Variants in FAAP20 observed in about 807,000 individuals in gnomAD.
The protein encoded by FAAP20 is Fanconi anemia core complex-associated protein 20.
FAAP20 carries 12 observed loss-of-function variants against 16.2 expected under a neutral mutation model. The ratio of observed to expected loss-of-function variants is 0.74; its 90% CI spans 0.48 to 1.20. The LOEUF is 1.20. Ranked by LOEUF, FAAP20 falls within the 50% of genes most tolerant of loss-of-function variation. The pLI, the probability that FAAP20 is intolerant of heterozygous loss-of-function variation, is 0.00. For missense variants in FAAP20, 288 were observed against 245.8 expected (o/e 1.17, Z -1.15); for synonymous variants, 141 against 110.7 (o/e 1.27, Z -1.72).
Position 2,194,745 on chromosome 1 carries a change from T to C in FAAP20, c.5A>G (p.Glu2Gly). The C allele has an allele frequency of 8.4e-7, 1 of 1,186,312 alleles. No homozygotes were observed. Among genetic ancestry groups the C allele is most frequent in the Non-Finnish European group, 1.0e-6 (1 of 962,894 alleles). 73.5% of individuals were successfully genotyped at this position (1,186,312 alleles called of 1,614,324 possible). A position where few individuals can be genotyped will look rare whatever the true frequency, so the allele number is the denominator to read the frequency against. ...CCCCAGCCGCGGCCTCCGCGCCGCC[T>C]CCATCCAAGCCCGCGCCGGGCGGAA... is the stretch of plus-strand genomic sequence containing the variant. M[E>G]AARRPRLGLS... The change falls in exon 1 of 4, where the codon GAG (glutamate) becomes GGG (glycine). Residue 2 changes from glutamate to glycine, a missense_variant. Coordinates refer to ENST00000378546, the MANE Select transcript of FAAP20 (RefSeq NM_182533.4).
At chr1:2,197,988 T>G, upstream of FAAP20, 1 of 1,282,234 alleles carries the variant, frequency 7.8e-7, no homozygotes, top group Non-Finnish European at 1.0e-6. Flanking sequence ...GGAAGCATGT[T>G]CACCTCCAAC....
At position 2,192,756 on chromosome 1, in the gene FAAP20, G is replaced by A. The variant is rs1300541100; in HGVS notation, c.470+883C>T. 5.4e-6 allele frequency: 6 copies of A among 1,103,394 alleles called. No individual in the cohort carries two copies. The East Asian group carries it at 2.9e-4, about 54-fold the overall frequency. The allele number at this position is 1,103,394 out of a possible 1,614,324, so 68.4% of individuals were successfully genotyped here. A position where few individuals can be genotyped will look rare whatever the true frequency, so the allele number is the denominator to read the frequency against. On this transcript the variant is annotated intron_variant, in intron 3 of 3. Coordinates refer to ENST00000378546, the MANE Select transcript of FAAP20 (RefSeq NM_182533.4). ...AGCCTCCAGAGTAGCTAGGACCACA[G>A]GCACGCGCCACCACGCCCAGGCATG... is the stretch of plus-strand genomic sequence containing the variant.
At chr1:2,212,140 C>G (rs1396409806), downstream of FAAP20, 3 of 152,290 alleles carry the variant, frequency 2.0e-5, no homozygotes, top group African/African-American at 7.2e-5. Context: ...ATCTCCTGAC[C>G]TCGTGATCCG....
chr1:2,211,262 T>C (rs1443877881), downstream of FAAP20, among the ~76,000 whole-genome samples: 1 of 137,632 alleles, frequency 7.3e-6, no homozygotes, highest in Non-Finnish European at 1.5e-5. Flanking sequence ...GGAGTTTCGC[T>C]CTTGTTGCCC....
At chr1:2,184,770 G>T (rs1411194982), downstream of FAAP20, 1 of 1,481,996 alleles carries the variant, frequency 6.7e-7, no homozygotes, top group African/African-American at 1.4e-5. Context: ...ACCTTGGGCA[G>T]CTGGTGACCC....
rs1687923141 is a variant in FAAP20, at chr1:2,189,587, T to C, written c.*122A>G. ...AGAGACAGACAGGAGCCCGCCCTGC[T>C]TTAATGCGCATGCGGGGGAGCCGAG... On this transcript the variant is annotated 3_prime_UTR_variant, in exon 4 of 4. Coordinates refer to ENST00000378546, the MANE Select transcript of FAAP20 (RefSeq NM_182533.4). 7.5e-6 allele frequency: 6 copies of C among 799,666 alleles called. No individual in the cohort carries two copies. Among genetic ancestry groups the C allele is most frequent in the Non-Finnish European group, 1.1e-5 (5 of 461,210 alleles). The allele number at this position is 799,666 out of a possible 1,614,324, so 49.5% of individuals were successfully genotyped here.
intron 3 of FAAP20, chr1:2,192,674 T>C (rs1688369346): frequency 8.4e-7 from 1 of 1,191,490 alleles, no homozygotes; most frequent in African/African-American, 1.6e-5. Flanking sequence ...AGTGCAGTGG[T>C]GCAATCATAC....
At chr1:2,202,054 A>G (rs1689074044), upstream of FAAP20, among the ~76,000 whole-genome samples, 1 of 152,064 alleles carries the variant, frequency 6.6e-6, no homozygotes, top group African/African-American at 2.4e-5. Context: ...AGAAAAAGAA[A>G]AAGTGGCCTG....
At chr1:2,207,082 T>C (rs913746252) in intron 1 of FAAP20, among the ~76,000 whole-genome samples, 3 of 150,946 alleles carry the variant, frequency 2.0e-5, no homozygotes, top group African/African-American at 7.3e-5. Context: ...CAGAGAGAGG[T>C]GTTGTATTCT....
At chr1:2,202,373 C>A (rs377035092), upstream of FAAP20, among the ~76,000 whole-genome samples, 1 of 152,350 alleles carries the variant, frequency 6.6e-6, no homozygotes, top group African/African-American at 2.4e-5. Context: ...GGGTCTTGCA[C>A]TGTTGCCCAG....
chr1:2,189,528 A>T, downstream of FAAP20: 1 of 625,166 alleles, frequency 1.6e-6, no homozygotes, highest in Non-Finnish European at 2.9e-6. Flanking sequence ...ACCAAACGTC[A>T]GAAAGAAAAG....
chr1:2,191,833 A>G (rs1688265203), intron 3 of FAAP20: 1 of 985,128 alleles, frequency 1.0e-6, no homozygotes, highest in Non-Finnish European at 1.2e-6. Flanking sequence ...CTCACCCCTC[A>G]CCAGGTGCCC....
chr1:2,209,184 C>A (rs1569613910), downstream of FAAP20, among the ~76,000 whole-genome samples: 1 of 152,152 alleles, frequency 6.6e-6, no homozygotes, highest in East Asian at 1.9e-4. Context: ...CCACCTGCTG[C>A]ATGCATCCTG....
At chr1:2,194,228 G>T in intron 1 of FAAP20, 95 bp from the exon 2 acceptor site, 1 of 1,496,040 alleles carries the variant, frequency 6.7e-7, no homozygotes, top group Non-Finnish European at 9.0e-7. Flanking sequence ...AGAGCGGGGA[G>T]ATGGGGGGTA....
chr1:2,186,094 C>T (rs1687550765), downstream of FAAP20: 1 of 454,232 alleles, frequency 2.2e-6, no homozygotes, highest in South Asian at 1.6e-5. Context: ...GAGCCGTCTT[C>T]TGAGCTCCCT....
chr1:2,194,698 G>T lies in FAAP20; in HGVS notation c.52C>A (p.Pro18Thr). 8.6e-7 allele frequency: 1 copy of T among 1,168,668 alleles called. No individual in the cohort carries two copies. The highest frequency in any genetic ancestry group is 1.1e-6 in the Non-Finnish European group (1 of 949,772). 72.4% of individuals were successfully genotyped at this position (1,168,668 alleles called of 1,614,324 possible). Reference sequence around the variant, plus strand: ...GGCTCCCGGCCTCACCCGCCCGCCGGGCGCGGCCTCCGGCGGCTCAACCCC... The same window carrying T: ...GGCTCCCGGCCTCACCCGCCCGCCGTGCGCGGCCTCCGGCGGCTCAACCCC... ...RLGLSRRRPR[P>T]AGGPSGGRPW... Residue 18 changes from proline to threonine, a missense_variant, in exon 1 of 4, where the codon CCG (proline) becomes ACG (threonine). Transcript: ENST00000378546.
At chr1:2,202,834 G>A (rs952851733), upstream of FAAP20, among the ~76,000 whole-genome samples, 2 of 152,054 alleles carry the variant, frequency 1.3e-5, no homozygotes, top group African/African-American at 4.8e-5. Context: ...GGCTGGTCTC[G>A]TCAAACTCCT....
chr1:2,207,909 C>CGTGTGTGTGTGTGTGTGTGTGT (rs58549960), downstream of FAAP20, among the ~76,000 whole-genome samples: 1 of 145,786 alleles, frequency 6.9e-6, no homozygotes, highest in Non-Finnish European at 1.5e-5. Flanking sequence ...TGGTAACACC[C>CGTGTGTGTGTGTGTGTGTGTGT]GTGTGTGTGT....
At chr1:2,199,577 C>A, upstream of FAAP20, 1 of 985,856 alleles carries the variant, frequency 1.0e-6, no homozygotes. This position sits in a 1 kb window ranked among gnomAD's most constrained non-coding sequence, Gnocchi z 4.5. Flanking sequence ...CCTCTCAGGG[C>A]ACCCCTCCTC....
Sources: allele counts gnomAD v4.1 joint callset (sites outside exome capture counted in the v4.1 genomes callset), GRCh38; gene constraint gnomAD v4.1.1; non-coding constraint Gnocchi (gnomAD v3.1); transcripts MANE v1.5; gene names NCBI Gene and HGNC (gene_info 2026-07-23, HGNC 2026-07-21).